DLL4: variants seen among roughly 807,000 people sequenced by gnomAD.
The protein encoded by DLL4 is delta like canonical Notch ligand 4.
Under a neutral mutation model 73.6 loss-of-function variants are expected in DLL4, and 7 were observed. The observed-to-expected ratio is 0.10, with a 90% CI of 0.05 to 0.18. The LOEUF is 0.18. DLL4 is among the 10% of genes least tolerant of loss of function. DLL4 has a pLI of 1.00. For missense variants in DLL4, 614 were observed against 929.9 expected (o/e 0.66, Z 4.42); for synonymous variants, 345 against 374.3 (o/e 0.92, Z 0.90).
At chr15:40,932,834 A>T (rs1159520371) in intron 6 of DLL4, among the ~76,000 whole-genome samples, 1 of 152,198 alleles carries the variant, frequency 6.6e-6, no homozygotes, top group Non-Finnish European at 1.5e-5. Context: ...CTGTTTGAGC[A>T]GCTCTCCCCT....
intron 9 of DLL4, 124 bp downstream of exon 9, chr15:40,937,054 C>T (rs894136878): frequency 2.5e-6 from 2 of 790,252 alleles, no homozygotes; most frequent in Admixed American, 2.9e-5. Flanking sequence ...GGAAGATCCT[C>T]CAGTAGGATT....
chr15:40,938,070 G>A lies in DLL4; in HGVS notation c.*36G>A, dbSNP rs762761242. On this transcript the variant is annotated 3_prime_UTR_variant, in exon 11 of 11. Coordinates refer to ENST00000249749, the MANE Select transcript of DLL4 (RefSeq NM_019074.4). ...TACCTGGACATCCCTGCTCAGCCCC[G>A]CGGCTGGACCTTCCTTCTGCATTGT... 130 of 1,524,646 alleles carry A rather than the reference G, an allele frequency of 8.5e-5. No individual in the cohort carries two copies. Among genetic ancestry groups the A allele is most frequent in the Non-Finnish European group, 1.1e-4 (126 of 1,138,344 alleles). 94.4% of individuals were successfully genotyped at this position (1,524,646 alleles called of 1,614,324 possible). A position where few individuals can be genotyped will look rare whatever the true frequency, so the allele number is the denominator to read the frequency against.
rs1032274333 is a variant in DLL4 at position 40,937,408 on chromosome 15, G to A, written c.1944-10G>A. 6.3e-7 allele frequency: 1 copy of A among 1,595,764 alleles called. No individual in the cohort carries two copies. Among genetic ancestry groups the A allele is most frequent in the Non-Finnish European group, 8.6e-7 (1 of 1,163,356 alleles). On this transcript the variant is annotated splice_polypyrimidine_tract_variant and intron_variant, in intron 9 of 10. Transcript: ENST00000249749. ...TCCCTCCCTTACACGCCTGTCTTGT[G>A]TTCCCTCAGTGAAAAGCCAGAGTGT... is the stretch of plus-strand genomic sequence containing the variant.
Position 40,938,341 on chromosome 15 carries a change from C to T in DLL4, c.*307C>T. On this transcript the variant is annotated 3_prime_UTR_variant, in exon 11 of 11. Transcript: ENST00000249749. ...CAGGGGGCTCCTTCCGGGGCTCCGG[C>T]CTGTTTTCCAGAGAGAGTGGCAGTA... The T allele has an allele frequency of 3.4e-6, 1 of 296,188 alleles. No homozygotes were observed. 18.3% of individuals were successfully genotyped at this position (296,188 alleles called of 1,614,324 possible).
At position 40,930,555 on chromosome 15, in the gene DLL4, C is replaced by T; in HGVS notation, c.337-70C>T. On this transcript the variant is annotated intron_variant, in intron 2 of 10. Coordinates refer to ENST00000249749, the MANE Select transcript of DLL4 (RefSeq NM_019074.4). This position sits in a 1 kb window ranked among gnomAD's most constrained non-coding sequence, Gnocchi z 5.7. ...CAATTAGATTAATTAAACAGGCTGC[C>T]GCAAGGCACCCCCACCTCTCCCCGC... The T allele has an allele frequency of 7.7e-7, 1 of 1,305,384 alleles. No homozygotes were observed. The highest frequency in any genetic ancestry group is 1.1e-6 in the Non-Finnish European group (1 of 908,488). 80.9% of individuals were successfully genotyped at this position (1,305,384 alleles called of 1,614,324 possible). A position where few individuals can be genotyped will look rare whatever the true frequency, so the allele number is the denominator to read the frequency against.
At position 40,935,049 on chromosome 15, in the gene DLL4, C is replaced by A; in HGVS notation, c.1172C>A (p.Pro391His). Residue 391 changes from proline to histidine, a missense_variant, in exon 8 of 11, where the codon CCC becomes CAC. Around this residue, in one of 3 missense-constraint regions of DLL4, gnomAD observed 386 missense variants for 541.3 expected, o/e 0.71. Coordinates refer to ENST00000249749, the MANE Select transcript of DLL4 (RefSeq NM_019074.4). Reference protein sequence around the residue: ...NQGANYACECPPNFTGSNCEK... With the variant: ...NQGANYACECHPNFTGSNCEK... The stretch of plus-strand genomic sequence containing the variant: ...GGGGCCAACTATGCTTGTGAATGTC[C>A]CCCCAACTTCACCGGCTCCAACTGC... The A allele has an allele frequency of 6.2e-7, 1 of 1,613,448 alleles. No individual in the cohort carries two copies.
rs746707411 is a variant in DLL4 at position 40,936,652 on chromosome 15, G to GCGGCTTCGA, written c.1670_1678dup (p.Leu557_Arg559dup). On this transcript the variant is annotated inframe_insertion, in exon 9 of 11. Transcript: ENST00000249749. ...TGGTGGCAGTGGCTGTGCGGCAGCT[G>GCGGCTTCGA]CGGCTTCGACGGCCGGACGACGGCA... is the stretch of plus-strand genomic sequence containing the variant. 6.2e-6 allele frequency: 10 copies of GCGGCTTCGA among 1,611,830 alleles called. No homozygotes were observed. In the South Asian group the frequency reaches 1.1e-4, roughly 18 times the overall value.
chr15:40,932,564 T>A, intron 6 of DLL4, 117 bp downstream of exon 6: 6 of 1,334,696 alleles, frequency 4.5e-6, no homozygotes, highest in Non-Finnish European at 5.2e-6. Context: ...GGCTTTCCCA[T>A]GATCTTCCAA....
intron 8 of DLL4, among the ~76,000 whole-genome samples, chr15:40,935,752 C>T (rs148688290): frequency 6.6e-6 from 1 of 152,312 alleles, no homozygotes; most frequent in East Asian, 1.9e-4. Flanking sequence ...GTCCTCTGTC[C>T]TTCATGTGGT....
Position 40,938,223 on chromosome 15 carries a change from T to A in DLL4, c.*189T>A. ...TGCAATACCCTTCCACACCTTTGGG[T>A]GTCTGTCTGGCATCAGATTGGCAGC... On this transcript the variant is annotated 3_prime_UTR_variant, in exon 11 of 11. Transcript: ENST00000249749. 1 of 523,862 alleles carries A rather than the reference T, an allele frequency of 1.9e-6. No homozygotes were observed. Among genetic ancestry groups the A allele is most frequent in the Non-Finnish European group, 3.2e-6 (1 of 317,050 alleles). 32.5% of individuals were successfully genotyped at this position (523,862 alleles called of 1,614,324 possible).
rs777516760 is a variant in DLL4, at chr15:40,936,581, G to T, written c.1594G>T (p.Val532Phe). Residue 532 changes from valine (V) to phenylalanine (F), a missense_variant, in exon 9 of 11, where the codon GTC becomes TTC. Val to Phe is a conservative substitution (Grantham distance 50, BLOSUM62 -1). Coordinates refer to ENST00000249749, the MANE Select transcript of DLL4 (RefSeq NM_019074.4). ...GCCGCCCAGCTTCCCCTGGGTGGCC[G>T]TCTCGCTGGGTGTGGGGCTGGCAGT... ...GLPPSFPWVA[V>F]SLGVGLAVLL... is the part of the protein sequence containing the mutation. 6 of 1,608,652 alleles carry T rather than the reference G, an allele frequency of 3.7e-6. No homozygotes were observed. Among genetic ancestry groups the T allele is most frequent in the Non-Finnish European group, 3.4e-6 (4 of 1,178,232 alleles).
Position 40,930,653 on chromosome 15 carries a change from G to T in DLL4, c.365G>T (p.Trp122Leu). Residue 122 changes from tryptophan to leucine, a missense_variant, in exon 3 of 11, where the codon TGG (tryptophan) becomes TTG (leucine). Physicochemically the swap from Trp to Leu is moderately conservative, Grantham distance 61. This residue lies in a region of DLL4 where 227 missense variants were observed against 370.8 expected (regional missense o/e 0.61). Transcript: ENST00000249749. The surrounding 1 kb of genome is among the most constrained non-coding windows in gnomAD (Gnocchi z 5.7). ...PGTFSLIIEA[W>L]HAPGDDLRPE... Reference sequence around the variant, plus strand: ...ACCTTCTCGCTCATCATCGAAGCTTGGCACGCGCCAGGAGACGACCTGCGG... The same window carrying T: ...ACCTTCTCGCTCATCATCGAAGCTTTGCACGCGCCAGGAGACGACCTGCGG... 6.2e-7 allele frequency: 1 copy of T among 1,613,828 alleles called. No homozygotes were observed. Among genetic ancestry groups the T allele is most frequent in the Admixed American group, 1.7e-5 (1 of 60,020 alleles).
intron 8 of DLL4, among the ~76,000 whole-genome samples, chr15:40,935,999 CGTT>C (rs1892838785): frequency 6.6e-6 from 1 of 152,222 alleles, no homozygotes; most frequent in African/African-American, 2.4e-5. Flanking sequence ...TCTGATTCTA[CGTT>C]AAAGTTCTGT....
At position 40,930,711 on chromosome 15, in the gene DLL4, G is replaced by T; in HGVS notation, c.394+29G>T. ...AGTAGCTCGCTCCGCCACCACAGGG[G>T]GGCGACACGGCGCAGCGCCGAAAGA... On this transcript the variant is annotated intron_variant, in intron 3 of 10. Transcript: ENST00000249749. This position sits in a 1 kb window ranked among gnomAD's most constrained non-coding sequence, Gnocchi z 5.7. The T allele has an allele frequency of 6.2e-7, 1 of 1,609,106 alleles. No homozygotes were observed. Among genetic ancestry groups the T allele is most frequent in the Non-Finnish European group, 8.5e-7 (1 of 1,175,990 alleles).
In DLL4 at chr15:40,930,026, G is replaced by T. The variant is rs1025548919; in HGVS notation, c.246G>T (p.Pro82=). The T allele has an allele frequency of 1.2e-6, 2 of 1,612,728 alleles. No homozygotes were observed. Among genetic ancestry groups the T allele is most frequent in the Admixed American group, 1.7e-5 (1 of 59,898 alleles). ...GCACCTTCGGGACCGTCTCCACGCC[G>T]GTATTGGGCACCAACTCCTTCGCTG... ...GPCTFGTVST[P]VLGTNSFAVR... The change falls in exon 2 of 11, where the codon CCG becomes CCT. Residue 82 remains proline, a synonymous_variant. Transcript: ENST00000249749. The surrounding 1 kb of genome is among the most constrained non-coding windows in gnomAD (Gnocchi z 5.7).
chr15:40,930,562 C>A lies in DLL4; in HGVS notation c.337-63C>A. 7.3e-7 allele frequency: 1 copy of A among 1,364,056 alleles called. No homozygotes were observed. The highest frequency in any genetic ancestry group is 1.0e-6 in the Non-Finnish European group (1 of 959,304). 84.5% of individuals were successfully genotyped at this position (1,364,056 alleles called of 1,614,324 possible). ...ATTAATTAAACAGGCTGCCGCAAGG[C>A]ACCCCCACCTCTCCCCGCTTGCTCA... On this transcript the variant is annotated intron_variant, in intron 2 of 10. Coordinates refer to ENST00000249749, the MANE Select transcript of DLL4 (RefSeq NM_019074.4). This position sits in a 1 kb window ranked among gnomAD's most constrained non-coding sequence, Gnocchi z 5.7.
chr15:40,932,642 C>T (rs1163381680), intron 6 of DLL4, among the ~76,000 whole-genome samples, 195 bp downstream of exon 6: 3 of 152,016 alleles, frequency 2.0e-5, no homozygotes, highest in Admixed American at 6.5e-5. Flanking sequence ...TCTCCAGGTG[C>T]GGCGGCAGGG....
chr15:40,930,748 C>T lies in DLL4; in HGVS notation c.394+66C>T. The stretch of plus-strand genomic sequence containing the variant: ...GCAGCGCCGAAAGAGTTAATCTGTT[C>T]TAGGCGGGGGAAGTGCGGGCTTGGG... On this transcript the variant is annotated intron_variant, in intron 3 of 10. Transcript: ENST00000249749. This position sits in a 1 kb window ranked among gnomAD's most constrained non-coding sequence, Gnocchi z 5.7. 2.0e-6 allele frequency: 3 copies of T among 1,529,640 alleles called. No homozygotes were observed. In the South Asian group the frequency reaches 3.4e-5, roughly 18 times the overall value. The allele number at this position is 1,529,640 out of a possible 1,614,324, so 94.8% of individuals were successfully genotyped here.
chr15:40,933,341 T>A (rs1461524189), intron 6 of DLL4, among the ~76,000 whole-genome samples: 1 of 151,696 alleles, frequency 6.6e-6, no homozygotes, highest in African/African-American at 2.4e-5. Flanking sequence ...CTCACACACC[T>A]GGTTCCTGCT....
Sources: allele counts gnomAD v4.1 joint callset (sites outside exome capture counted in the v4.1 genomes callset), GRCh38; gene constraint gnomAD v4.1.1; regional missense constraint gnomAD v4.1.1; non-coding constraint Gnocchi (gnomAD v3.1); transcripts MANE v1.5; gene names NCBI Gene and HGNC (gene_info 2026-07-23, HGNC 2026-07-21).